GLIS3: variants seen among roughly 807,000 people sequenced by gnomAD.
The protein encoded by GLIS3 is zinc finger protein GLIS3.
A neutral mutation model predicts 78.6 loss-of-function variants in GLIS3; 53 were observed. The ratio of observed to expected loss-of-function variants is 0.67; its 90% CI spans 0.54 to 0.85. The LOEUF is 0.85. Among genes scored for constraint, GLIS3 ranks in the 40% least tolerant of loss-of-function variants. The probability of loss-of-function intolerance (pLI) is 0.00; values close to 1 mark genes in which losing one functional copy is unlikely to be tolerated. For synonymous variants in GLIS3, 684 were observed against 509.9 expected, an observed-to-expected ratio of 1.34 and a Z score of -4.60; for missense variants, 1,703 against 1,231.1, an observed-to-expected ratio of 1.38 and a Z score of -5.74.
intron 7 of GLIS3, among the ~76,000 whole-genome samples, chr9:3,889,260 G>C (rs12346830): frequency 0.013 from 2,019 of 152,272 alleles, 38 homozygotes; most frequent in African/African-American, 0.044. Context: ...GGCCCAGGCT[G>C]CTTCTGCAGG....
intron 1 of GLIS3, among the ~76,000 whole-genome samples, chr9:4,293,405 C>T (rs1816198049): frequency 6.6e-6 from 1 of 152,168 alleles, no homozygotes; most frequent in African/African-American, 2.4e-5. Flanking sequence ...AGCAGTTTTA[C>T]AGAAGTTAAA....
the GLIS3 span, among the ~76,000 whole-genome samples, chr9:4,399,325 G>A: frequency 6.6e-6 from 1 of 152,182 alleles, no homozygotes; most frequent in African/African-American, 2.4e-5. Context: ...TAAAAAAACT[G>A]CCTCTTCTGA....
chr9:3,847,668 C>T (rs1431686538), intron 9 of GLIS3, among the ~76,000 whole-genome samples: 3 of 152,234 alleles, frequency 2.0e-5, no homozygotes, highest in African/African-American at 7.2e-5. Context: ...GTTCACATGA[C>T]CATCTCACAC....
At chr9:3,857,040 G>A (rs1419767252) in intron 8 of GLIS3, among the ~76,000 whole-genome samples, 1 of 152,208 alleles carries the variant, frequency 6.6e-6, no homozygotes, top group East Asian at 1.9e-4. Context: ...AAGGCAAGAT[G>A]TAATTGTTAG....
chr9:4,364,819 C>G, the GLIS3 span, among the ~76,000 whole-genome samples: 170 of 123,458 alleles, frequency 1.4e-3, 1 homozygote, highest in African/African-American at 4.9e-3. Flanking sequence ...ATTGACCAGG[C>G]TGAAGCACAG....
chr9:4,459,527 G>T, the GLIS3 span, among the ~76,000 whole-genome samples: 2 of 152,252 alleles, frequency 1.3e-5, no homozygotes, highest in Non-Finnish European at 2.9e-5. Flanking sequence ...ACTTTGGGAG[G>T]CCAAGATGGG....
intron 2 of GLIS3, among the ~76,000 whole-genome samples, chr9:4,135,348 G>A (rs888244129): frequency 2.0e-5 from 3 of 152,198 alleles, no homozygotes; most frequent in Middle Eastern, 3.4e-3. Context: ...TTAAGGTAAT[G>A]AACTCTAACA....
intron 4 of GLIS3, among the ~76,000 whole-genome samples, chr9:4,036,272 C>T (rs929683799): frequency 6.7e-6 from 1 of 149,888 alleles, no homozygotes; most frequent in African/African-American, 2.4e-5. Flanking sequence ...AATCAAATCT[C>T]TTTTTTTTTT....
chr9:4,209,239 G>A lies in GLIS3; in HGVS notation c.388+76799C>T, dbSNP rs76574256. Among the ~76,000 whole-genome samples the A allele has an allele frequency of 2.6e-4, 39 of 152,182 alleles. No homozygotes were observed. In the East Asian group the frequency reaches 7.3e-3, roughly 29 times the overall value. ...CGTAAAATTACCCTGAGTTCATCTA[G>A]AACCCACACATCCTGACCCATACAC... On this transcript the variant is annotated intron_variant, in intron 2 of 10. Coordinates refer to ENST00000381971, the MANE Select transcript of GLIS3 (RefSeq NM_001042413.2).
At chr9:4,266,698 C>T (rs1826044332) in intron 2 of GLIS3, among the ~76,000 whole-genome samples, 1 of 151,996 alleles carries the variant, frequency 6.6e-6, no homozygotes, top group South Asian at 2.1e-4. Flanking sequence ...GATAATGATA[C>T]ATAGTTATTT....
the GLIS3 span, among the ~76,000 whole-genome samples, chr9:4,441,954 T>C: frequency 1.3e-5 from 2 of 152,168 alleles, no homozygotes; most frequent in South Asian, 2.1e-4. Flanking sequence ...ATCAAGGTAA[T>C]GTTGGCTTTA....
intron 2 of GLIS3, among the ~76,000 whole-genome samples, chr9:4,213,242 C>A (rs184616030): frequency 6.6e-6 from 1 of 152,252 alleles, no homozygotes; most frequent in East Asian, 1.9e-4. Flanking sequence ...CCTGTCGAAA[C>A]CCTATGCATC....
upstream of GLIS3, among the ~76,000 whole-genome samples, chr9:4,301,294 T>C (rs1817062136): frequency 6.6e-6 from 1 of 152,208 alleles, no homozygotes; most frequent in Admixed American, 6.5e-5. Flanking sequence ...TCTGTCAGTT[T>C]TCCAGTTTCT....
At chr9:4,430,188 C>T in the GLIS3 span, among the ~76,000 whole-genome samples, 1 of 152,176 alleles carries the variant, frequency 6.6e-6, no homozygotes, top group Non-Finnish European at 1.5e-5. Flanking sequence ...CATTGGAAAC[C>T]ACACCAAGCT....
rs536106086 is a variant in GLIS3, at chr9:4,209,651, C to A, written c.388+76387G>T. Among the ~76,000 whole-genome samples the A allele has an allele frequency of 1.2e-3, 182 of 152,290 alleles. 1 individual carries two copies. The highest frequency in any genetic ancestry group is 4.2e-3 in the African/African-American group (175 of 41,556). On this transcript the variant is annotated intron_variant, in intron 2 of 10. Transcript: ENST00000381971. The stretch of plus-strand genomic sequence containing the variant: ...TGTCAGGAGAGGCTCACTGCTAGAG[C>A]CTTCATAGAATTCCTATCATGTTCC...
chr9:4,449,690 A>G, the GLIS3 span, among the ~76,000 whole-genome samples: 1 of 152,198 alleles, frequency 6.6e-6, no homozygotes, highest in African/African-American at 2.4e-5. Flanking sequence ...TGCTGGTGAT[A>G]CCTAGGCAAG....
chr9:3,920,972 A>G (rs1302328212), intron 6 of GLIS3, among the ~76,000 whole-genome samples: 1 of 152,190 alleles, frequency 6.6e-6, no homozygotes, highest in African/African-American at 2.4e-5. Context: ...TGAAATGAGG[A>G]AAACTTCTCA....
At chr9:4,354,049 G>T in the GLIS3 span, among the ~76,000 whole-genome samples, 1 of 150,486 alleles carries the variant, frequency 6.6e-6, no homozygotes, top group Admixed American at 6.6e-5. Context: ...TGTTAGCCAG[G>T]ATGGTCTCTA....
intron 4 of GLIS3, among the ~76,000 whole-genome samples, chr9:4,043,021 G>T (rs935391931): frequency 3.3e-5 from 5 of 150,320 alleles, no homozygotes; most frequent in African/African-American, 1.2e-4. Flanking sequence ...AATATCAAAA[G>T]AAATGGCTAT....
Sources: allele counts gnomAD v4.1 joint callset (sites outside exome capture counted in the v4.1 genomes callset), GRCh38; gene constraint gnomAD v4.1.1; transcripts MANE v1.5; gene names NCBI Gene and HGNC (gene_info 2026-07-23, HGNC 2026-07-21).